The following DENND1A variants were observed in gnomAD, a reference collection of about 807,000 sequenced individuals.
DENND1A encodes DENN domain-containing protein 1A.
In DENND1A, 51 loss-of-function variants were observed where a neutral mutation model predicts 113.7. The ratio of observed to expected loss-of-function variants is 0.45; its 90% CI spans 0.36 to 0.57. The LOEUF (loss-of-function observed/expected upper bound fraction) is 0.57. DENND1A is among the 20% of genes least tolerant of loss of function. The probability of loss-of-function intolerance (pLI) is 0.00; values close to 1 mark genes in which losing one functional copy is unlikely to be tolerated. For missense variants in DENND1A, 1,258 were observed against 1,395.9 expected (o/e 0.90, Z 1.57); for synonymous variants, 565 against 570.8 (o/e 0.99, Z 0.14).
At chr9:123,750,203 T>TTTCTCTTTC (rs2131290660) in intron 5 of DENND1A, among the ~76,000 whole-genome samples, 1 of 152,336 alleles carries the variant, frequency 6.6e-6, no homozygotes, top group East Asian at 1.9e-4. Context: ...GTTTCGGCTA[T>TTTCTCTTTC]TTCTCTTTCT....
At chr9:123,822,842 A>G (rs1054912338) in intron 2 of DENND1A, among the ~76,000 whole-genome samples, 1 of 152,228 alleles carries the variant, frequency 6.6e-6, no homozygotes, top group Non-Finnish European at 1.5e-5. Context: ...TTTATTACCC[A>G]CCAGCAGGTC....
chr9:123,434,307 G>A (rs575463834), intron 19 of DENND1A, among the ~76,000 whole-genome samples: 203 of 152,340 alleles, frequency 1.3e-3, no homozygotes, highest in South Asian at 7.0e-3. Flanking sequence ...GATTACAGGC[G>A]TGAGCCACCA....
In DENND1A at chr9:123,387,818, C is replaced by T. The variant is rs763685681; in HGVS notation, c.1672G>A (p.Glu558Lys). 8.5e-5 allele frequency: 109 copies of T among 1,289,850 alleles called. No homozygotes were observed. The highest frequency in any genetic ancestry group is 1.0e-4 in the Non-Finnish European group (103 of 988,920). 79.9% of individuals were successfully genotyped at this position (1,289,850 alleles called of 1,614,324 possible). Residue 558 changes from glutamate (E) to lysine (K), a missense_variant, in exon 22 of 24, where the codon GAA (glutamate) becomes AAA (lysine). By Grantham distance (56) the Glu-to-Lys change is moderately conservative. Transcript: ENST00000394215. ...TGGCATTCATCATCAGAGGAGTCTT[C>T]GGAGAGGAAGACCGCATAGTGTCGC... ...PLRHYAVFLS[E>K]DSSDDECQRE...
At chr9:123,859,224 C>T (rs1331334146) in intron 2 of DENND1A, among the ~76,000 whole-genome samples, 2 of 152,136 alleles carry the variant, frequency 1.3e-5, no homozygotes, top group African/African-American at 2.4e-5. Context: ...CACTTTTCTA[C>T]ATAAATAAAA....
chr9:123,723,299 G>A (rs1252743702), intron 5 of DENND1A, among the ~76,000 whole-genome samples: 1 of 152,190 alleles, frequency 6.6e-6, no homozygotes, highest in Admixed American at 6.5e-5. Context: ...GATTTTACAG[G>A]TTCATAGGCA....
intron 4 of DENND1A, among the ~76,000 whole-genome samples, chr9:123,766,082 C>CCT (rs1443181322): frequency 2.6e-5 from 4 of 152,134 alleles, no homozygotes; most frequent in Non-Finnish European, 4.4e-5. Flanking sequence ...TCACAGTCAC[C>CCT]CTCTCCCCAG....
intron 2 of DENND1A, among the ~76,000 whole-genome samples, chr9:123,810,421 G>C (rs1381731278): frequency 6.6e-6 from 1 of 151,686 alleles, no homozygotes; most frequent in Non-Finnish European, 1.5e-5. Flanking sequence ...TTTAAAAAGA[G>C]AAAGAAAAGG....
chr9:123,927,134 G>C (rs1055696548), intron 1 of DENND1A, among the ~76,000 whole-genome samples: 4 of 152,144 alleles, frequency 2.6e-5, no homozygotes, highest in African/African-American at 9.7e-5. Context: ...TCACATTAAG[G>C]ATTTCCACGG....
intron 5 of DENND1A, among the ~76,000 whole-genome samples, chr9:123,712,910 G>A (rs2066726922): frequency 6.6e-6 from 1 of 152,198 alleles, no homozygotes; most frequent in South Asian, 2.1e-4. Context: ...TCCTGCTACA[G>A]AAGCAAAGCT....
At chr9:123,593,865 G>C (rs1030797943) in intron 11 of DENND1A, among the ~76,000 whole-genome samples, 2 of 152,042 alleles carry the variant, frequency 1.3e-5, no homozygotes, top group African/African-American at 4.8e-5. Flanking sequence ...TGACTGGATC[G>C]TGGGGGCTAA....
rs151119871 is a variant in DENND1A at position 123,731,694 on chromosome 9, G to A, written c.302+26009C>T. Among the ~76,000 whole-genome samples the A allele has an allele frequency of 2.5e-3, 384 of 152,240 alleles. 2 individuals are homozygous for A. Among genetic ancestry groups the A allele is most frequent in the Non-Finnish European group, 4.2e-3 (286 of 68,018 alleles). ...TTCCTAGATATGACACCAAAAACAT[G>A]ATCCATAAAAGGTAAGATTGATGTG... On this transcript the variant is annotated intron_variant, in intron 5 of 23. Transcript: ENST00000394215.
At chr9:123,384,263 T>G (rs1308911173) in intron 22 of DENND1A, among the ~76,000 whole-genome samples, 1 of 152,200 alleles carries the variant, frequency 6.6e-6, no homozygotes, top group Non-Finnish European at 1.5e-5. Flanking sequence ...GGAAGGGGGC[T>G]CACAGGCCAG....
In DENND1A at chr9:123,413,481, G is replaced by C. The variant is rs569728814; in HGVS notation, c.1489-1652C>G. On this transcript the variant is annotated intron_variant, in intron 19 of 23. Transcript: ENST00000394215. ...AGATCTCAAATCTGCCTTAGAATTT[G>C]TTTTCTGAACCTGCCCCACTACTCC... The C allele has an allele frequency of 6.1e-6, 6 of 985,426 alleles. No homozygotes were observed. In the African/African-American group the frequency reaches 1.0e-4, roughly 17 times the overall value. 61.0% of individuals were successfully genotyped at this position (985,426 alleles called of 1,614,324 possible).
At chr9:123,578,579 G>T (rs1238194835) in intron 12 of DENND1A, among the ~76,000 whole-genome samples, 1 of 152,174 alleles carries the variant, frequency 6.6e-6, no homozygotes, top group East Asian at 1.9e-4. Context: ...CAGCGTAGAT[G>T]CCATGTTTTA....
At chr9:123,712,951 G>A (rs1188570840) in intron 5 of DENND1A, among the ~76,000 whole-genome samples, 3 of 152,118 alleles carry the variant, frequency 2.0e-5, no homozygotes, top group Non-Finnish European at 4.4e-5. Flanking sequence ...GTCCCCCAAA[G>A]TACAAATGGG....
chr9:123,528,502 T>C (rs1276403791), intron 13 of DENND1A, among the ~76,000 whole-genome samples: 1 of 152,204 alleles, frequency 6.6e-6, no homozygotes, highest in Admixed American at 6.5e-5. Flanking sequence ...CCATTCCCTT[T>C]CCCTCCAGCT....
At chr9:123,888,956 CTGTGTGTGTGTGTGTGTGTGTGTG>C (rs58270598) in intron 1 of DENND1A, among the ~76,000 whole-genome samples, 9 of 131,176 alleles carry the variant, frequency 6.9e-5, no homozygotes, top group African/African-American at 1.8e-4. Flanking sequence ...GTGCTTTAAA[CTGTGTGTGTGTGTGTGTGTGTGTG>C]TGTGTGTGTG....
intron 12 of DENND1A, among the ~76,000 whole-genome samples, chr9:123,561,111 G>T (rs562536288): frequency 1.3e-5 from 2 of 152,266 alleles, no homozygotes; most frequent in African/African-American, 4.8e-5. Flanking sequence ...AGCCACTGTC[G>T]CTCTCCTTCT....
chr9:123,525,730 T>C (rs2054779267), intron 13 of DENND1A, among the ~76,000 whole-genome samples: 1 of 150,274 alleles, frequency 6.7e-6, no homozygotes, highest in African/African-American at 2.4e-5. Flanking sequence ...AACAATAAAC[T>C]TAGGTTCACC....
Sources: gnomAD v4.1 joint callset for allele counts (sites outside exome capture counted in the v4.1 genomes callset) on GRCh38, gnomAD v4.1.1 for gene constraint, MANE v1.5 for transcripts, NCBI Gene and HGNC (gene_info 2026-07-23, HGNC 2026-07-21) for gene names.